The following ATP2A2 variants were observed in gnomAD, a reference collection of about 807,000 sequenced individuals.
ATP2A2 encodes the protein ATPase sarcoplasmic/endoplasmic reticulum Ca2+ transporting 2.
A neutral mutation model predicts 109.3 loss-of-function variants in ATP2A2; 14 were observed. The ratio of observed to expected loss-of-function variants is 0.13; its 90% confidence interval spans 0.08 to 0.20. The LOEUF is 0.20. ATP2A2 is among the 10% of genes least tolerant of loss of function. ATP2A2 has a pLI of 1.00. For missense variants in ATP2A2, 657 were observed against 1,321.6 expected, an observed-to-expected ratio of 0.50 and a Z score of 7.80; for synonymous variants, 506 against 490.9, an observed-to-expected ratio of 1.03 and a Z score of -0.41.
At chr12:110,325,050 G>A (rs1877640445) in intron 6 of ATP2A2, among the ~76,000 whole-genome samples, 1 of 150,744 alleles carries the variant, frequency 6.6e-6, no homozygotes, top group African/African-American at 2.4e-5. Context: ...CTGACCTGAA[G>A]TGATCGCCCG....
At position 110,351,020 on chromosome 12, in the gene ATP2A2, G is replaced by C. The variant is rs1592876959; in HGVS notation, c.*4550G>C. 6.6e-6 allele frequency: 1 copy of C among 152,520 alleles called. No individual in the cohort carries two copies. The highest frequency in any genetic ancestry group is 1.5e-5 in the Non-Finnish European group (1 of 68,252). The allele number at this position is 152,520 out of a possible 1,614,324, so 9.4% of individuals were successfully genotyped here. A position where few individuals can be genotyped will look rare whatever the true frequency, so the allele number is the denominator to read the frequency against. ...TTAGACTGTAAATAGAGATCAGTTTGTTTCTTTCTGTGCTGGTAACAATGA... is the reference window on the plus strand; with the variant it reads ...TTAGACTGTAAATAGAGATCAGTTTCTTTCTTTCTGTGCTGGTAACAATGA... On this transcript the variant is annotated 3_prime_UTR_variant, in exon 20 of 20. Coordinates refer to ENST00000539276, the MANE Select transcript of ATP2A2 (RefSeq NM_170665.4).
At chr12:110,297,809 A>G (rs549388826) in intron 5 of ATP2A2, among the ~76,000 whole-genome samples, 2 of 151,960 alleles carry the variant, frequency 1.3e-5, no homozygotes. Context: ...GTAGAGAGGG[A>G]GTTTTGCCAT....
intron 11 of ATP2A2, 75 bp downstream of exon 11, chr12:110,334,218 C>T: frequency 6.4e-7 from 1 of 1,567,290 alleles, no homozygotes; most frequent in South Asian, 1.1e-5. Context: ...CTGCACTGTC[C>T]TACTCTCTTA....
At chr12:110,324,815 C>T (rs1877610642) in intron 6 of ATP2A2, among the ~76,000 whole-genome samples, 1 of 150,236 alleles carries the variant, frequency 6.7e-6, no homozygotes, top group Admixed American at 6.6e-5. Flanking sequence ...GTTATAGTCT[C>T]TATAATGAAA....
chr12:110,336,113 G>A (rs1878819853), intron 11 of ATP2A2, among the ~76,000 whole-genome samples: 3 of 152,332 alleles, frequency 2.0e-5, no homozygotes, highest in African/African-American at 7.2e-5. Context: ...ATTGGGTTCT[G>A]CTGAACATAC....
At chr12:110,313,315 T>C (rs1252777722) in intron 5 of ATP2A2, among the ~76,000 whole-genome samples, 1 of 107,588 alleles carries the variant, frequency 9.3e-6, no homozygotes, top group Non-Finnish European at 1.8e-5. Flanking sequence ...CTTTCCTTTT[T>C]TTTTTTTTTT....
At chr12:110,336,454 C>G (rs148754011) in intron 11 of ATP2A2, among the ~76,000 whole-genome samples, 35 of 152,284 alleles carry the variant, frequency 2.3e-4, no homozygotes, top group African/African-American at 6.7e-4. Flanking sequence ...GGCATTGTGT[C>G]ATTGGGGGGT....
chr12:110,294,031 C>A (rs976761335), intron 4 of ATP2A2, among the ~76,000 whole-genome samples: 9 of 151,340 alleles, frequency 5.9e-5, no homozygotes, highest in Non-Finnish European at 1.3e-4. Flanking sequence ...TGACTGTCAC[C>A]ATGCCTGGCT....
At position 110,292,172 on chromosome 12, in the gene ATP2A2, G is replaced by T. The variant is rs745496911; in HGVS notation, c.324+48G>T. 2.3e-5 allele frequency: 30 copies of T among 1,282,088 alleles called. No individual in the cohort carries two copies. In the Admixed American group the frequency reaches 3.7e-4, roughly 16 times the overall value. 79.4% of individuals were successfully genotyped at this position (1,282,088 alleles called of 1,614,324 possible). A position where few individuals can be genotyped will look rare whatever the true frequency, so the allele number is the denominator to read the frequency against. On this transcript the variant is annotated intron_variant, in intron 4 of 19. Coordinates refer to ENST00000539276, the MANE Select transcript of ATP2A2 (RefSeq NM_170665.4). ...CAAAATTTCAATAAGTTATGTAAGT[G>T]ATTAGGGCTGTATTAATCTTTCTGT...
At chr12:110,297,503 T>C (rs1158519059) in intron 5 of ATP2A2, among the ~76,000 whole-genome samples, 1 of 151,768 alleles carries the variant, frequency 6.6e-6, no homozygotes, top group South Asian at 2.1e-4. Flanking sequence ...AGTCTCTGCC[T>C]GAATTCCAGA....
In ATP2A2 at chr12:110,336,444, G is replaced by A. The variant is rs1333836838; in HGVS notation, c.1419+2301G>A. On this transcript the variant is annotated intron_variant, in intron 11 of 19. Coordinates refer to ENST00000539276, the MANE Select transcript of ATP2A2 (RefSeq NM_170665.4). ...CCTGGATAATAAGGGCAAATGAGGA[G>A]GCATTGTGTCATTGGGGGGTAGTAC... 2.6e-5 allele frequency among the ~76,000 whole-genome samples: 4 copies of A among 152,188 alleles called. No individual in the cohort carries two copies. In the East Asian group the frequency reaches 7.7e-4, roughly 29 times the overall value.
At chr12:110,306,727 A>G (rs1875381547) in intron 5 of ATP2A2, among the ~76,000 whole-genome samples, 1 of 151,962 alleles carries the variant, frequency 6.6e-6, no homozygotes, top group Non-Finnish European at 1.5e-5. Flanking sequence ...CATGGTGTAT[A>G]TATACCACAT....
chr12:110,313,344 G>A lies in ATP2A2; in HGVS notation c.464-9648G>A, dbSNP rs149909039. 7.6e-3 allele frequency among the ~76,000 whole-genome samples: 983 copies of A among 128,534 alleles called. 1 individual carries two copies. The highest frequency in any genetic ancestry group is 0.01 in the Admixed American group (108 of 10,668). The allele number at this position is 128,534 out of a possible 152,430, so 84.3% of individuals were successfully genotyped here. On this transcript the variant is annotated intron_variant, in intron 5 of 19. Transcript: ENST00000539276. ...TTTTTTTTTTTTTTGATACGGAGTC[G>A]CTCTGTCGCCCAGGCTGGAGTGCAG... is the stretch of plus-strand genomic sequence containing the variant.
chr12:110,310,463 A>G (rs1453102910), intron 5 of ATP2A2, among the ~76,000 whole-genome samples: 1 of 152,190 alleles, frequency 6.6e-6, no homozygotes, highest in Non-Finnish European at 1.5e-5. Flanking sequence ...CTTCTAGTAT[A>G]TGCCGCAGGG....
Position 110,327,461 on chromosome 12 carries a change from G to A in ATP2A2, c.631-92G>A. ...AGTGGAAGACCTAGTAGAATGTGTA[G>A]AGAATCTGGGTGCCCTAGTCAAAAA... On this transcript the variant is annotated intron_variant, in intron 7 of 19. Coordinates refer to ENST00000539276, the MANE Select transcript of ATP2A2 (RefSeq NM_170665.4). This position sits in a 1 kb window ranked among gnomAD's most constrained non-coding sequence, Gnocchi z 4.4. The A allele has an allele frequency of 8.5e-7, 1 of 1,172,808 alleles. No homozygotes were observed. The highest frequency in any genetic ancestry group is 1.2e-5 in the South Asian group (1 of 81,616). The allele number at this position is 1,172,808 out of a possible 1,614,324, so 72.7% of individuals were successfully genotyped here. A position where few individuals can be genotyped will look rare whatever the true frequency, so the allele number is the denominator to read the frequency against.
intron 6 of ATP2A2, 28 bp from the exon 7 acceptor site, chr12:110,326,362 T>G (rs1174136340): frequency 6.3e-7 from 1 of 1,597,582 alleles, no homozygotes; most frequent in Non-Finnish European, 8.6e-7. Flanking sequence ...CGCAGAGATC[T>G]GTTTTTTCTG....
At position 110,349,693 on chromosome 12, in the gene ATP2A2, G is replaced by A. The variant is rs1365357241; in HGVS notation, c.*3223G>A. 8 of 999,448 alleles carry A rather than the reference G, an allele frequency of 8.0e-6. No homozygotes were observed. The highest frequency in any genetic ancestry group is 9.6e-6 in the Non-Finnish European group (8 of 837,090). 61.9% of individuals were successfully genotyped at this position (999,448 alleles called of 1,614,324 possible). A position where few individuals can be genotyped will look rare whatever the true frequency, so the allele number is the denominator to read the frequency against. On this transcript the variant is annotated 3_prime_UTR_variant, in exon 20 of 20. Coordinates refer to ENST00000539276, the MANE Select transcript of ATP2A2 (RefSeq NM_170665.4). ...TACCAAGCATCTAGCCACTGTCCAG[G>A]GCCAGAGCATACCACGTCTGCAGTG... is the stretch of plus-strand genomic sequence containing the variant.
At chr12:110,313,310 CTTTTTTTTTTT>C (rs748790705) in intron 5 of ATP2A2, among the ~76,000 whole-genome samples, 3 of 113,202 alleles carry the variant, frequency 2.7e-5, no homozygotes, top group Non-Finnish European at 3.5e-5. Context: ...ACCACCTTTC[CTTTTTTTTTTT>C]TTTTTTTTTT....
chr12:110,346,675 A>G lies in ATP2A2; in HGVS notation c.*205A>G, dbSNP rs3182120. On this transcript the variant is annotated 3_prime_UTR_variant, in exon 20 of 20. Coordinates refer to ENST00000539276, the MANE Select transcript of ATP2A2 (RefSeq NM_170665.4). Reference sequence around the variant, plus strand: ...ACACATAATTAAAGTGTCCATTGACATGTACAGAGAACTAACACTATTTTA... The same window carrying G: ...ACACATAATTAAAGTGTCCATTGACGTGTACAGAGAACTAACACTATTTTA... 3 of 1,434,578 alleles carry G rather than the reference A, an allele frequency of 2.1e-6. No individual in the cohort carries two copies. The highest frequency in any genetic ancestry group is 2.7e-6 in the Non-Finnish European group (3 of 1,101,704). 88.9% of individuals were successfully genotyped at this position (1,434,578 alleles called of 1,614,324 possible).
Sources: gnomAD v4.1 joint callset for allele counts (sites outside exome capture counted in the v4.1 genomes callset) on GRCh38, gnomAD v4.1.1 for gene constraint, Gnocchi (gnomAD v3.1) non-coding constraint, MANE v1.5 for transcripts, NCBI Gene and HGNC (gene_info 2026-07-23, HGNC 2026-07-21) for gene names.